LOC400499: variants seen among roughly 807,000 people sequenced by gnomAD.
the LOC400499 span, chr16:11,446,930 A>G: frequency 6.5e-7 from 1 of 1,528,408 alleles, no homozygotes; most frequent in Non-Finnish European, 8.7e-7. Flanking sequence ...AGAGGGAAAA[A>G]CAGGCCAAAG....
At chr16:11,429,184 G>A in the LOC400499 span, among the ~76,000 whole-genome samples, 133 of 152,182 alleles carry the variant, frequency 8.7e-4, no homozygotes, top group African/African-American at 3.0e-3. Context: ...GCCTGGGAGC[G>A]GATTTCTTAA....
chr16:11,376,163 C>CT, the LOC400499 span, among the ~76,000 whole-genome samples: 4 of 152,324 alleles, frequency 2.6e-5, no homozygotes, highest in Admixed American at 2.0e-4. Context: ...TGTAGGACGC[C>CT]TTTTCACTCT....
the LOC400499 span, chr16:11,522,030 G>T: frequency 2.5e-6 from 1 of 399,152 alleles, no homozygotes. Context: ...CCTCCACCAG[G>T]ACGTCCTGCA....
At chr16:11,471,973 T>C in the LOC400499 span, 1 of 397,022 alleles carries the variant, frequency 2.5e-6, no homozygotes, top group Non-Finnish European at 4.4e-6. Flanking sequence ...GGCAGTGGTG[T>C]GTAGACCAGG....
the LOC400499 span, chr16:11,465,201 A>T: frequency 6.6e-6 from 1 of 152,290 alleles, no homozygotes; most frequent in East Asian, 1.9e-4. Context: ...ATCTCGACTC[A>T]CTGGAACCTC....
the LOC400499 span, among the ~76,000 whole-genome samples, chr16:11,388,978 T>C: frequency 6.6e-6 from 1 of 152,202 alleles, no homozygotes; most frequent in South Asian, 2.1e-4. Context: ...TCCCAGCTAC[T>C]TGAGAGGCTA....
chr16:11,385,261 G>T, the LOC400499 span: 1 of 1,232,330 alleles, frequency 8.1e-7, no homozygotes, highest in Non-Finnish European at 1.0e-6. Flanking sequence ...TCCACGAACA[G>T]GGCTGTGAGC....
chr16:11,392,691 G>A, the LOC400499 span: 26 of 822,190 alleles, frequency 3.2e-5, no homozygotes, highest in African/African-American at 7.4e-5. Context: ...CCCCTCCCCC[G>A]ACACGGCAGT....
the LOC400499 span, chr16:11,391,652 C>T: frequency 0.31 from 385,574 of 1,231,426 alleles, 61,306 homozygotes; most frequent in African/African-American, 0.34. Context: ...GAGCCCTCCC[C>T]CTCCCACACT....
chr16:11,410,479 T>C, the LOC400499 span, among the ~76,000 whole-genome samples: 4 of 151,932 alleles, frequency 2.6e-5, no homozygotes, highest in Admixed American at 6.6e-5. Flanking sequence ...ATTAAATAAA[T>C]AAATAAAGAA....
At chr16:11,455,025 C>G in the LOC400499 span, among the ~76,000 whole-genome samples, 1 of 152,026 alleles carries the variant, frequency 6.6e-6, no homozygotes, top group African/African-American at 2.4e-5. Flanking sequence ...ATGTGTCTGA[C>G]CACCTGGAAA....
chr16:11,386,198 C>G, the LOC400499 span, among the ~76,000 whole-genome samples: 1 of 152,152 alleles, frequency 6.6e-6, no homozygotes, highest in Non-Finnish European at 1.5e-5. Flanking sequence ...AACAGATGGC[C>G]TGAGAAGGAG....
the LOC400499 span, chr16:11,431,254 A>G: frequency 5.0e-6 from 2 of 399,022 alleles, no homozygotes; most frequent in African/African-American, 4.1e-5. Context: ...AAGGGGGTTA[A>G]GATCATGGGC....
the LOC400499 span, among the ~76,000 whole-genome samples, chr16:11,489,901 G>C: frequency 6.6e-6 from 1 of 152,176 alleles, no homozygotes; most frequent in African/African-American, 2.4e-5. Flanking sequence ...ATTAACTCAA[G>C]GGCCAAAGGT....
At chr16:11,416,318 G>A in the LOC400499 span, among the ~76,000 whole-genome samples, 2 of 152,134 alleles carry the variant, frequency 1.3e-5, no homozygotes, top group African/African-American at 4.8e-5. Context: ...CCGGGATCCT[G>A]AATGGTCAAG....
the LOC400499 span, chr16:11,411,120 G>T: frequency 2.5e-6 from 1 of 397,384 alleles, no homozygotes; most frequent in South Asian, 1.4e-4. Flanking sequence ...GTTGCCCACC[G>T]GAGCCTGCTG....
At chr16:11,411,827 G>C in the LOC400499 span, among the ~76,000 whole-genome samples, 1 of 150,504 alleles carries the variant, frequency 6.6e-6, no homozygotes, top group Non-Finnish European at 1.5e-5. Context: ...GGCCAGGGTG[G>C]TTACAATCTC....
the LOC400499 span, chr16:11,461,242 G>C: frequency 1.0e-5 from 12 of 1,190,472 alleles, no homozygotes; most frequent in South Asian, 1.7e-4. Context: ...TCCTTGAAGA[G>C]CCAACATGTG....
chr16:11,385,482 A>G, the LOC400499 span: 48 of 1,098,742 alleles, frequency 4.4e-5, no homozygotes, highest in East Asian at 9.6e-5. Context: ...TAGGAGCCCA[A>G]TGCCTGCTGG....
Sources: allele counts gnomAD v4.1 joint callset (sites outside exome capture counted in the v4.1 genomes callset), GRCh38; gene constraint gnomAD v4.1.1; transcripts MANE v1.5.